Variants in LRMDA observed in about 807,000 individuals in gnomAD.
LRMDA encodes leucine-rich melanocyte differentiation-associated protein.
LRMDA carries 18 observed loss-of-function variants against 29.8 expected under a neutral mutation model. The ratio of observed to expected loss-of-function variants is 0.60; its 90% CI spans 0.42 to 0.90. LRMDA has a LOEUF of 0.90. Among genes scored for constraint, LRMDA ranks in the 40% least tolerant of loss-of-function variants. The pLI, the probability that LRMDA is intolerant of heterozygous loss-of-function variation, is 0.00. For synonymous variants in LRMDA, 125 were observed against 109.4 expected, an observed-to-expected ratio of 1.14 and a Z score of -0.89; for missense variants, 273 against 273.9, an observed-to-expected ratio of 1.00 and a Z score of 0.02.
At chr10:76,020,662 G>C (rs1168631423) in intron 2 of LRMDA, among the ~76,000 whole-genome samples, 1 of 152,218 alleles carries the variant, frequency 6.6e-6, no homozygotes, top group Admixed American at 6.5e-5. Context: ...GGGCCTGTGA[G>C]AAGAGTCTCC....
intron 2 of LRMDA, among the ~76,000 whole-genome samples, chr10:75,686,361 G>A (rs1842081713): frequency 6.6e-6 from 1 of 152,176 alleles, no homozygotes; most frequent in African/African-American, 2.4e-5. Context: ...GCTTAAGTGT[G>A]AGGCTTTCTC....
chr10:76,447,203 C>T (rs1317034809), intron 6 of LRMDA, among the ~76,000 whole-genome samples: 1 of 151,956 alleles, frequency 6.6e-6, no homozygotes, highest in East Asian at 1.9e-4. Context: ...TATATTATTT[C>T]TGTCTTCTAG....
chr10:75,993,883 T>C (rs1240325698), intron 2 of LRMDA, among the ~76,000 whole-genome samples: 1 of 152,164 alleles, frequency 6.6e-6, no homozygotes, highest in African/African-American at 2.4e-5. Flanking sequence ...AGTCTCCAGA[T>C]GCTTACTCTC....
chr10:75,734,576 C>T (rs934757496), intron 2 of LRMDA, among the ~76,000 whole-genome samples: 5 of 152,184 alleles, frequency 3.3e-5, no homozygotes, highest in Non-Finnish European at 4.4e-5. Context: ...AAAATAAATA[C>T]ATGAGTTACC....
chr10:75,870,910 C>T (rs1379650438), intron 2 of LRMDA, among the ~76,000 whole-genome samples: 1 of 151,188 alleles, frequency 6.6e-6, no homozygotes, highest in African/African-American at 2.4e-5. Context: ...GTTCACTTCT[C>T]TTTGGTCCCT....
At chr10:75,915,120 C>CTTTTTTTTTTTTTT (rs71024579) in intron 2 of LRMDA, among the ~76,000 whole-genome samples, 1 of 75,218 alleles carries the variant, frequency 1.3e-5, no homozygotes, top group African/African-American at 5.4e-5. Context: ...GTCTAACCTT[C>CTTTTTTTTTTTTTT]TTTTTTTTTT....
chr10:76,176,143 C>T (rs902786216), intron 5 of LRMDA, among the ~76,000 whole-genome samples: 9 of 152,290 alleles, frequency 5.9e-5, no homozygotes, highest in Admixed American at 5.2e-4. Flanking sequence ...ATAGATATGT[C>T]ATATCACTGA....
chr10:75,432,818 T>A (rs1189709512), intron 1 of LRMDA, among the ~76,000 whole-genome samples: 2 of 152,212 alleles, frequency 1.3e-5, no homozygotes, highest in Non-Finnish European at 2.9e-5. Flanking sequence ...TTTTCTTTTT[T>A]TCCAGAGTCC....
chr10:75,749,278 C>T (rs938590283), intron 2 of LRMDA, among the ~76,000 whole-genome samples: 15 of 151,936 alleles, frequency 9.9e-5, no homozygotes, highest in African/African-American at 3.6e-4. Context: ...TGTTAACCTA[C>T]TCTTTATTAG....
chr10:75,867,989 TTCC>T (rs1165640369), intron 2 of LRMDA, among the ~76,000 whole-genome samples: 7 of 152,222 alleles, frequency 4.6e-5, no homozygotes, highest in Non-Finnish European at 1.0e-4. Context: ...CAAAATATTA[TTCC>T]TCTTTTGATT....
chr10:76,516,671 C>G (rs146700725), intron 6 of LRMDA, among the ~76,000 whole-genome samples: 75 of 152,268 alleles, frequency 4.9e-4, no homozygotes, highest in African/African-American at 1.6e-3. Context: ...AGGACACGAA[C>G]TCTTCATTTT....
chr10:75,991,123 A>G (rs960196482), intron 2 of LRMDA, among the ~76,000 whole-genome samples: 2 of 152,226 alleles, frequency 1.3e-5, no homozygotes, highest in Non-Finnish European at 2.9e-5. Flanking sequence ...GAACTCGGGT[A>G]TGGCAAGCAT....
chr10:75,966,889 C>A (rs765424642), intron 2 of LRMDA, among the ~76,000 whole-genome samples: 1 of 152,206 alleles, frequency 6.6e-6, no homozygotes, highest in South Asian at 2.1e-4. Flanking sequence ...GAAGGTACCT[C>A]CTTAGCACCT....
chr10:75,780,925 C>T (rs974503562), intron 2 of LRMDA, among the ~76,000 whole-genome samples: 9 of 152,192 alleles, frequency 5.9e-5, no homozygotes, highest in African/African-American at 2.2e-4. Context: ...CTCAAACTTG[C>T]CATTACCTAA....
intron 5 of LRMDA, among the ~76,000 whole-genome samples, chr10:76,144,630 A>G (rs1850275000): frequency 1.3e-5 from 2 of 152,192 alleles, no homozygotes; most frequent in African/African-American, 2.4e-5. Flanking sequence ...CAATCATGTC[A>G]TCTGCAAAGA....
intron 6 of LRMDA, among the ~76,000 whole-genome samples, chr10:76,473,964 T>C (rs77105480): frequency 0.023 from 3,507 of 151,694 alleles, 66 homozygotes; most frequent in Non-Finnish European, 0.036. Context: ...TCAAAACTTA[T>C]TAAAAGCTAC....
At chr10:75,919,858 CT>C (rs1845998684) in intron 2 of LRMDA, among the ~76,000 whole-genome samples, 1 of 152,080 alleles carries the variant, frequency 6.6e-6, no homozygotes, top group South Asian at 2.1e-4. Flanking sequence ...GCTCTGGGGC[CT>C]TCTGATGCTT....
At chr10:76,238,851 C>T (rs948292669) in intron 5 of LRMDA, among the ~76,000 whole-genome samples, 6 of 151,432 alleles carry the variant, frequency 4.0e-5, no homozygotes, top group South Asian at 2.1e-4. Context: ...GTGATGGCGA[C>T]GGCACCCTTA....
At chr10:76,390,452 G>A (rs1841709376) in intron 6 of LRMDA, among the ~76,000 whole-genome samples, 1 of 151,804 alleles carries the variant, frequency 6.6e-6, no homozygotes, top group Admixed American at 6.6e-5. Flanking sequence ...ATTGTATGGG[G>A]CAGTGGTGGT....
Sources: gnomAD v4.1 joint callset for allele counts (sites outside exome capture counted in the v4.1 genomes callset) on GRCh38, gnomAD v4.1.1 for gene constraint, MANE v1.5 for transcripts, NCBI Gene and HGNC (gene_info 2026-07-23, HGNC 2026-07-21) for gene names.